RNF207: variants seen among roughly 807,000 people sequenced by gnomAD.
RNF207 encodes ring finger protein 207.
A neutral mutation model predicts 79.0 loss-of-function variants in RNF207; 72 were observed. That is an observed-to-expected ratio of 0.91 (90% confidence interval 0.75 to 1.11). The LOEUF is 1.11. Ranked by LOEUF, RNF207 falls within the 50% of genes least tolerant of loss-of-function variation. The probability of loss-of-function intolerance (pLI) is 0.00; values close to 1 mark genes in which losing one functional copy is unlikely to be tolerated. For missense variants in RNF207, 936 were observed against 855.8 expected, an observed-to-expected ratio of 1.09 and a Z score of -1.17; for synonymous variants, 348 against 366.2, an observed-to-expected ratio of 0.95 and a Z score of 0.57.
intron 15 of RNF207, 67 bp downstream of exon 15, chr1:6,212,800 G>A: frequency 7.4e-7 from 1 of 1,345,682 alleles, no homozygotes; most frequent in South Asian, 1.2e-5. Context: ...AGCAGAGGAG[G>A]AAGTCAGAGT....
At position 6,211,835 on chromosome 1, in the gene RNF207, C is replaced by A; in HGVS notation, c.1110-32C>A. 6.6e-7 allele frequency: 1 copy of A among 1,506,672 alleles called. No homozygotes were observed. The highest frequency in any genetic ancestry group is 9.0e-7 in the Non-Finnish European group (1 of 1,112,770). 93.3% of individuals were successfully genotyped at this position (1,506,672 alleles called of 1,614,324 possible). On this transcript the variant is annotated intron_variant, in intron 12 of 17. Transcript: ENST00000377939. This position sits in a 1 kb window ranked among gnomAD's most constrained non-coding sequence, Gnocchi z 4.2. ...GCTGGGGGAGGGGCAGACTTCCCCACCCCCCTGCATCCACACTGGCTCTCT... is the reference window on the plus strand; with the variant it reads ...GCTGGGGGAGGGGCAGACTTCCCCAACCCCCTGCATCCACACTGGCTCTCT...
chr1:6,216,183 G>A (rs1379160672), intron 16 of RNF207, among the ~76,000 whole-genome samples: 1 of 152,192 alleles, frequency 6.6e-6, no homozygotes, highest in Non-Finnish European at 1.5e-5. Flanking sequence ...TTGCTGAGTG[G>A]CAGGGATCTT....
rs551883217 is a variant in RNF207 at position 6,212,347 on chromosome 1, C to A, written c.1413C>A (p.Ser471=). The change falls in exon 14 of 18, where the codon TCC becomes TCA. Residue 471 remains serine (S), a synonymous_variant. Coordinates refer to ENST00000377939, the MANE Select transcript of RNF207 (RefSeq NM_207396.3). The part of the protein sequence containing the change: ...AEIMGDVLHK[S]LQLDVQIASE... ...TCATGGGAGACGTCCTGCACAAGTC[C>A]CTGCAACTGGACGTGCAGATCGCCT... The A allele has an allele frequency of 2.8e-5, 45 of 1,613,920 alleles. 1 individual carries two copies. In the South Asian group the frequency reaches 3.3e-4, roughly 12 times the overall value.
intron 13 of RNF207, 42 bp downstream of exon 13, chr1:6,212,095 C>T (rs1311009900): frequency 1.3e-6 from 2 of 1,563,880 alleles, no homozygotes; most frequent in African/African-American, 2.7e-5. Flanking sequence ...GATGTCCTAA[C>T]CCACTCCTCA....
intron 8 of RNF207, 29 bp from the exon 9 acceptor site, chr1:6,210,194 C>G (rs750729011): frequency 1.2e-6 from 2 of 1,600,188 alleles, no homozygotes; most frequent in South Asian, 1.1e-5. Flanking sequence ...TCCTGGCCCC[C>G]TGGAAACCAG....
At position 6,209,507 on chromosome 1, in the gene RNF207, G is replaced by T; in HGVS notation, c.721G>T (p.Asp241Tyr). The T allele has an allele frequency of 6.8e-7, 1 of 1,476,276 alleles. No homozygotes were observed. The allele number at this position is 1,476,276 out of a possible 1,614,324, so 91.4% of individuals were successfully genotyped here. A position where few individuals can be genotyped will look rare whatever the true frequency, so the allele number is the denominator to read the frequency against. The change falls in exon 7 of 18, where the codon GAC (aspartate) becomes TAC (tyrosine). Residue 241 changes from aspartate (D) to tyrosine (Y), a missense_variant. Coordinates refer to ENST00000377939, the MANE Select transcript of RNF207 (RefSeq NM_207396.3). The part of the protein sequence containing the change: ...EVRHSAAEEE[D>Y]AIHALFGSMQ... The stretch of plus-strand genomic sequence containing the variant: ...GCGGCACAGCGCCGCCGAGGAGGAG[G>T]ACGCTATCCACGCCCTCTTCGGCAG...
At position 6,217,528 on chromosome 1, in the gene RNF207, G is replaced by A. The variant is rs145593072; in HGVS notation, c.1653-761G>A. ...TGGCCAGAATGCTTGACGTCCTCCC[G>A]CAGACATGCTATTCCCATCTCCCCA... is the stretch of plus-strand genomic sequence containing the variant. On this transcript the variant is annotated intron_variant, in intron 16 of 17. Coordinates refer to ENST00000377939, the MANE Select transcript of RNF207 (RefSeq NM_207396.3). The surrounding 1 kb of genome is among the most constrained non-coding windows in gnomAD (Gnocchi z 4.2). Among the ~76,000 whole-genome samples, 7 of 152,230 alleles carry A rather than the reference G, an allele frequency of 4.6e-5. No individual in the cohort carries two copies. In the East Asian group the frequency reaches 5.8e-4, roughly 13 times the overall value.
rs913008276 is a variant in RNF207 at position 6,218,663 on chromosome 1, T to C, written c.1733+294T>C. ...CACTGGGAGCTGCACGTGCTTATGC[T>C]AGGGGACTCGGGTCACTGAAATGAG... On this transcript the variant is annotated intron_variant, in intron 17 of 17. Transcript: ENST00000377939. Among the ~76,000 whole-genome samples the C allele has an allele frequency of 5.9e-5, 9 of 152,334 alleles. No homozygotes were observed. In the East Asian group the frequency reaches 1.7e-3, roughly 29 times the overall value.
In RNF207 at chr1:6,218,341, G is replaced by A. The variant is rs201905484; in HGVS notation, c.1705G>A (p.Asp569Asn). The A allele has an allele frequency of 1.7e-4, 275 of 1,613,920 alleles. 2 individuals are homozygous for A. Among genetic ancestry groups the A allele is most frequent in the South Asian group, 4.2e-4 (38 of 91,078 alleles). The change falls in exon 17 of 18, where the codon GAC becomes AAC. Residue 569 changes from aspartate (D) to asparagine (N), a missense_variant. Asp to Asn is a conservative substitution (Grantham distance 23, BLOSUM62 1). Transcript: ENST00000377939. Reference protein sequence around the residue: ...QSESLQNTHDDSRNNAASARN... With the variant: ...QSESLQNTHDNSRNNAASARN... Reference sequence around the variant, plus strand: ...AGAGAGTCTACAGAACACGCACGACGACAGCAGGAACAACGCGGCCTCAGC... The same window carrying A: ...AGAGAGTCTACAGAACACGCACGACAACAGCAGGAACAACGCGGCCTCAGC...
rs1334004404 is a variant in RNF207, at chr1:6,206,238, A to G, written c.-65A>G. On this transcript the variant is annotated 5_prime_UTR_variant, in exon 1 of 18. Coordinates refer to ENST00000377939, the MANE Select transcript of RNF207 (RefSeq NM_207396.3). Reference sequence around the variant, plus strand: ...TCAGAGCGCGGCCCGGAGCCGCACTAAGAGCGCTGGACGGCGGGAGAGAGG... The same window carrying G: ...TCAGAGCGCGGCCCGGAGCCGCACTGAGAGCGCTGGACGGCGGGAGAGAGG... 6 of 357,524 alleles carry G rather than the reference A, an allele frequency of 1.7e-5. No individual in the cohort carries two copies. Among genetic ancestry groups the G allele is most frequent in the Admixed American group, 4.7e-5 (1 of 21,430 alleles). 22.1% of individuals were successfully genotyped at this position (357,524 alleles called of 1,614,324 possible).
Position 6,209,551 on chromosome 1 carries a change from G to C in RNF207, c.753+12G>C. 6.9e-7 allele frequency: 1 copy of C among 1,448,468 alleles called. No individual in the cohort carries two copies. Among genetic ancestry groups the C allele is most frequent in the Non-Finnish European group, 9.0e-7 (1 of 1,109,932 alleles). 89.7% of individuals were successfully genotyped at this position (1,448,468 alleles called of 1,614,324 possible). A position where few individuals can be genotyped will look rare whatever the true frequency, so the allele number is the denominator to read the frequency against. ...TCGGCAGCATGCAGGTGAGGGGTGG[G>C]GGTTGGGGGATAAACGACCCAGCCG... On this transcript the variant is annotated intron_variant, in intron 7 of 17. Transcript: ENST00000377939.
chr1:6,210,971 G>A, intron 11 of RNF207, 33 bp downstream of exon 11: 1 of 1,597,496 alleles, frequency 6.3e-7, no homozygotes, highest in Non-Finnish European at 8.5e-7. Context: ...CAGGGTCGGG[G>A]GCCCTGCAGG....
chr1:6,213,996 G>T (rs1308677131), intron 16 of RNF207, among the ~76,000 whole-genome samples: 1 of 152,182 alleles, frequency 6.6e-6, no homozygotes, highest in African/African-American at 2.4e-5. Flanking sequence ...GTTTTAGGGG[G>T]GCCCACCTCC....
In RNF207 at chr1:6,206,717, C is replaced by A. The variant is rs766354599; in HGVS notation, c.182C>A (p.Pro61Gln). 1 of 1,601,096 alleles carries A rather than the reference C, an allele frequency of 6.2e-7. No homozygotes were observed. The highest frequency in any genetic ancestry group is 1.1e-5 in the South Asian group (1 of 91,010). Reference sequence around the variant, plus strand: ...GCGACCGACGGCCGCCTCACCTGCCCGCTGTGCCAGTAAGTGTCCCAAAGT... The same window carrying A: ...GCGACCGACGGCCGCCTCACCTGCCAGCTGTGCCAGTAAGTGTCCCAAAGT... ...GRATDGRLTC[P>Q]LCQHQTVLKG... The change falls in exon 2 of 18, where the codon CCG (proline) becomes CAG (glutamine). Residue 61 changes from proline (P) to glutamine (Q), a missense_variant. Pro to Gln is a moderately conservative substitution (Grantham distance 76). Transcript: ENST00000377939.
intron 17 of RNF207, 56 bp downstream of exon 17, chr1:6,218,425 C>A: frequency 1.5e-6 from 2 of 1,318,094 alleles, no homozygotes; most frequent in Non-Finnish European, 2.2e-6. Context: ...CTGAGGCCAA[C>A]AGGACGACAA....
intron 16 of RNF207, among the ~76,000 whole-genome samples, chr1:6,216,804 G>A (rs77665756): frequency 5.3e-5 from 8 of 150,762 alleles, no homozygotes; most frequent in Non-Finnish European, 1.2e-4. Flanking sequence ...TCCTGACCTC[G>A]TGATCCGCCA....
At position 6,207,638 on chromosome 1, in the gene RNF207, G is replaced by A; in HGVS notation, c.324+127G>A. The A allele has an allele frequency of 9.0e-7, 1 of 1,111,136 alleles. No homozygotes were observed. Among genetic ancestry groups the A allele is most frequent in the Non-Finnish European group, 1.3e-6 (1 of 758,008 alleles). 68.8% of individuals were successfully genotyped at this position (1,111,136 alleles called of 1,614,324 possible). The stretch of plus-strand genomic sequence containing the variant: ...CAGTGGATTCTCCAGCACCTCCCTA[G>A]GGCACCTTGGCCCCAAATGTGAACC... On this transcript the variant is annotated intron_variant, in intron 3 of 17. Coordinates refer to ENST00000377939, the MANE Select transcript of RNF207 (RefSeq NM_207396.3). The surrounding 1 kb of genome is among the most constrained non-coding windows in gnomAD (Gnocchi z 4.5).
rs188551458 is a variant in RNF207 at position 6,219,323 on chromosome 1, G to C, written c.1821G>C (p.Glu607Asp). Reference protein sequence around the residue: ...NSWAPNGLSEEPLLKNMDHHR... With the variant: ...NSWAPNGLSEDPLLKNMDHHR... The stretch of plus-strand genomic sequence containing the variant: ...GGGCTCCGAACGGCCTCTCAGAAGA[G>C]CCTCTACTGAAAAATATGGATCATC... The change falls in exon 18 of 18, where the codon GAG becomes GAC. Residue 607 changes from glutamate (E) to aspartate (D), a missense_variant. Coordinates refer to ENST00000377939, the MANE Select transcript of RNF207 (RefSeq NM_207396.3). 1,232 of 1,613,552 alleles carry C rather than the reference G, an allele frequency of 7.6e-4. 6 individuals carry two copies. The African/African-American group carries it at 0.015, about 19-fold the overall frequency.
intron 16 of RNF207, among the ~76,000 whole-genome samples, chr1:6,216,481 C>G (rs1283631451): frequency 6.6e-6 from 1 of 152,162 alleles, no homozygotes; most frequent in African/African-American, 2.4e-5. Flanking sequence ...TGCTCTTGCT[C>G]CAGTCGCAGC....
Sources: gnomAD v4.1 joint callset for allele counts (sites outside exome capture counted in the v4.1 genomes callset) on GRCh38, gnomAD v4.1.1 for gene constraint, Gnocchi (gnomAD v3.1) non-coding constraint, MANE v1.5 for transcripts, NCBI Gene and HGNC (gene_info 2026-07-23, HGNC 2026-07-21) for gene names.